PADI2: variants seen among roughly 807,000 people sequenced by gnomAD.
PADI2 encodes the protein protein-arginine deiminase type-2.
Under a neutral mutation model 81.1 loss-of-function variants are expected in PADI2, and 70 were observed. That is an observed-to-expected ratio of 0.86 (90% CI 0.71 to 1.05). The LOEUF (loss-of-function observed/expected upper bound fraction) is 1.05, where lower values mean the gene tolerates loss of function less well. PADI2 is among the 50% of genes least tolerant of loss of function. PADI2 has a pLI of 0.00. For missense variants in PADI2, 853 were observed against 889.9 expected (o/e 0.96, Z 0.53); for synonymous variants, 338 against 358.0 (o/e 0.94, Z 0.63).
At chr1:17,089,374 A>G (rs1930591037) in intron 6 of PADI2, among the ~76,000 whole-genome samples, 1 of 152,218 alleles carries the variant, frequency 6.6e-6, no homozygotes, top group South Asian at 2.1e-4. Flanking sequence ...CACAGGCCCC[A>G]GGCTGCACTT....
At chr1:17,117,027 G>T (rs1931780442) in intron 1 of PADI2, among the ~76,000 whole-genome samples, 1 of 152,146 alleles carries the variant, frequency 6.6e-6, no homozygotes, top group African/African-American at 2.4e-5. Context: ...ACAATTTGGG[G>T]GTTGCTACTG....
chr1:17,100,859 G>C (rs1569575857), intron 3 of PADI2, among the ~76,000 whole-genome samples: 1 of 149,588 alleles, frequency 6.7e-6, no homozygotes, highest in East Asian at 2.0e-4. Context: ...ATGTGGTTTC[G>C]CCACATTGGC....
At chr1:17,082,845 ACAGG>A (rs779774094) in intron 9 of PADI2, 193 bp from the exon 10 acceptor site, 2 of 492,200 alleles carry the variant, frequency 4.1e-6, no homozygotes, top group Non-Finnish European at 7.1e-6. Context: ...TCTGCACATC[ACAGG>A]CAGGTTTCTT....
intron 6 of PADI2, among the ~76,000 whole-genome samples, chr1:17,091,390 C>T (rs998023405): frequency 1.3e-5 from 2 of 151,738 alleles, no homozygotes; most frequent in African/African-American, 4.8e-5. Flanking sequence ...GTTTTTAAAA[C>T]ACATACATCA....
At chr1:17,117,457 G>T (rs1931795576) in intron 1 of PADI2, among the ~76,000 whole-genome samples, 1 of 152,100 alleles carries the variant, frequency 6.6e-6, no homozygotes, top group South Asian at 2.1e-4. Flanking sequence ...GACTTTTCTG[G>T]ACAGTACTGG....
intron 12 of PADI2, chr1:17,075,381 A>G: frequency 2.6e-6 from 1 of 388,862 alleles, no homozygotes; most frequent in Non-Finnish European, 4.6e-6. Context: ...GCTAGTCTGA[A>G]TTTAGGTGTG....
chr1:17,099,933 GA>G (rs2101600733), intron 3 of PADI2, among the ~76,000 whole-genome samples: 1 of 152,310 alleles, frequency 6.6e-6, no homozygotes, highest in South Asian at 2.1e-4. Flanking sequence ...TGTCTACCCA[GA>G]AGCCAAGGCT....
intron 11 of PADI2, among the ~76,000 whole-genome samples, chr1:17,076,072 G>A (rs80270734): frequency 0.01 from 1,557 of 152,308 alleles, 21 homozygotes; most frequent in African/African-American, 0.034. Context: ...TTCAGCCCTT[G>A]AGGGTGCCAG....
rs1930447352 is a variant in PADI2 at position 17,086,616 on chromosome 1, C to T, written c.739G>A (p.Glu247Lys). ...HVVKYTGGSAELLFFVEGLCF... is the reference protein window; with the variant it reads ...HVVKYTGGSAKLLFFVEGLCF... Reference sequence around the variant, plus strand: ...AGGCCTTCCACGAAGAACAGCAGCTCCGCGGAGCCACCCGTGTACTTGACC... The same window carrying T: ...AGGCCTTCCACGAAGAACAGCAGCTTCGCGGAGCCACCCGTGTACTTGACC... Residue 247 changes from glutamate (E) to lysine (K), a missense_variant, in exon 7 of 16, where the codon GAG becomes AAG. Glu to Lys is a moderately conservative substitution (Grantham distance 56). Transcript: ENST00000375486. 1 of 1,613,942 alleles carries T rather than the reference C, an allele frequency of 6.2e-7. No homozygotes were observed. Among genetic ancestry groups the T allele is most frequent in the Admixed American group, 1.7e-5 (1 of 60,004 alleles).
chr1:17,096,096 C>T (rs1930916979), intron 3 of PADI2, 126 bp from the exon 4 acceptor site: 6 of 636,198 alleles, frequency 9.4e-6, no homozygotes, highest in Admixed American at 2.8e-5. Context: ...GAGAGGACCT[C>T]GCTGAAGTCA....
At chr1:17,089,351 G>A (rs1930590369) in intron 6 of PADI2, among the ~76,000 whole-genome samples, 2 of 152,194 alleles carry the variant, frequency 1.3e-5, no homozygotes, top group South Asian at 4.1e-4. Context: ...AGGCACTCGG[G>A]CCCTCCCATG....
chr1:17,113,251 C>CTATTAT (rs67222510), intron 1 of PADI2, among the ~76,000 whole-genome samples: 26 of 148,456 alleles, frequency 1.8e-4, no homozygotes, highest in Admixed American at 3.4e-4. Context: ...TGAGTATTTA[C>CTATTAT]TATTATTATT....
At chr1:17,083,928 T>A in intron 8 of PADI2, 91 bp from the exon 9 acceptor site, 1 of 820,818 alleles carries the variant, frequency 1.2e-6, no homozygotes. Context: ...AGCTGGTATC[T>A]CTGGGCTGTG....
At position 17,075,775 on chromosome 1, in the gene PADI2, G is replaced by C. The variant is rs2078297569; in HGVS notation, c.1359C>G (p.Ala453=). The change falls in exon 12 of 16, where the codon GCC becomes GCG. Residue 453 remains alanine, a synonymous_variant. Transcript: ENST00000375486. ...MTKVVRDFLK[A]QQVQAPVELY... ...GCTCCACGGGCGCCTGCACCTGCTG[G>C]GCCTTCAGGAAGTCACGCACCACCT... The C allele has an allele frequency of 6.2e-7, 1 of 1,613,758 alleles. No individual in the cohort carries two copies. Among genetic ancestry groups the C allele is most frequent in the Non-Finnish European group, 8.5e-7 (1 of 1,179,824 alleles).
intron 9 of PADI2, 78 bp from the exon 10 acceptor site, chr1:17,082,730 C>T (rs943626775): frequency 6.0e-6 from 5 of 830,286 alleles, no homozygotes; most frequent in Non-Finnish European, 9.9e-6. Flanking sequence ...TCGAGAAACA[C>T]AAGAGCACAA....
intron 11 of PADI2, 97 bp downstream of exon 11, chr1:17,079,167 C>T: frequency 1.0e-6 from 1 of 998,908 alleles, no homozygotes; most frequent in Non-Finnish European, 1.5e-6. Context: ...ATTCCCCCAG[C>T]CACTTGCTCC....
At chr1:17,097,763 G>A (rs1263669409) in intron 3 of PADI2, among the ~76,000 whole-genome samples, 1 of 89,326 alleles carries the variant, frequency 1.1e-5, no homozygotes. Context: ...ACCACCAGGG[G>A]CTAAGAGCCT....
chr1:17,086,757 G>A, intron 6 of PADI2, 58 bp from the exon 7 acceptor site: 1 of 1,490,508 alleles, frequency 6.7e-7, no homozygotes, highest in Non-Finnish European at 9.3e-7. Flanking sequence ...GGTCGGTGGG[G>A]TGGGATCACC....
chr1:17,089,250 G>A (rs1323860425), intron 6 of PADI2, among the ~76,000 whole-genome samples: 1 of 152,182 alleles, frequency 6.6e-6, no homozygotes, highest in Non-Finnish European at 1.5e-5. Context: ...AGAAAGTGAG[G>A]TCCTGCTCAC....
Sources: gnomAD v4.1 joint callset for allele counts (sites outside exome capture counted in the v4.1 genomes callset) on GRCh38, gnomAD v4.1.1 for gene constraint, MANE v1.5 for transcripts, NCBI Gene and HGNC (gene_info 2026-07-23, HGNC 2026-07-21) for gene names.